Variants in NCOA1 observed in about 807,000 individuals in gnomAD.
NCOA1 encodes the protein nuclear receptor coactivator 1, also known as Hin-2 protein.
NCOA1 carries 35 observed loss-of-function variants against 150.9 expected under a neutral mutation model. The ratio of observed to expected loss-of-function variants is 0.23; its 90% CI spans 0.18 to 0.31. The LOEUF (loss-of-function observed/expected upper bound fraction) is 0.31. NCOA1 is among the 10% of genes least tolerant of loss of function. The pLI, the probability that NCOA1 is intolerant of heterozygous loss-of-function variation, is 1.00. For missense variants in NCOA1, 1,491 were observed against 1,749.3 expected, an observed-to-expected ratio of 0.85 and a Z score of 2.63; for synonymous variants, 590 against 630.0, an observed-to-expected ratio of 0.94 and a Z score of 0.95.
chr2:24,750,588 G>T (rs564550507), intron 19 of NCOA1, among the ~76,000 whole-genome samples: 1 of 152,330 alleles, frequency 6.6e-6, no homozygotes, highest in South Asian at 2.1e-4. Flanking sequence ...AGAAGACCAT[G>T]TATGGCTACA....
At chr2:24,594,897 A>G (rs1045341979) in intron 3 of NCOA1, among the ~76,000 whole-genome samples, 4 of 152,118 alleles carry the variant, frequency 2.6e-5, no homozygotes, top group Admixed American at 2.0e-4. Flanking sequence ...TTAAGCTATT[A>G]TAGTAATGCA....
chr2:24,703,571 AT>A (rs1673268912), intron 11 of NCOA1, among the ~76,000 whole-genome samples: 1 of 152,174 alleles, frequency 6.6e-6, no homozygotes, highest in Non-Finnish European at 1.5e-5. Flanking sequence ...TATGCCAGTG[AT>A]TTAGCTGAAA....
At chr2:24,695,912 G>C (rs771397061) in intron 10 of NCOA1, among the ~76,000 whole-genome samples, 7 of 152,150 alleles carry the variant, frequency 4.6e-5, no homozygotes, top group Non-Finnish European at 1.0e-4. Context: ...ACACACACAT[G>C]CATATGCCTC....
At chr2:24,726,446 T>C in intron 14 of NCOA1, 143 bp from the exon 15 acceptor site, 1 of 511,600 alleles carries the variant, frequency 2.0e-6, no homozygotes, top group East Asian at 3.3e-5. Flanking sequence ...CTAGATAGTT[T>C]AAATTGCTGA....
intron 22 of NCOA1, among the ~76,000 whole-genome samples, chr2:24,765,121 G>A (rs911509139): frequency 3.4e-5 from 5 of 146,590 alleles, no homozygotes; most frequent in Admixed American, 2.0e-4. Context: ...AGGTTGCAGC[G>A]AGCCGAGATC....
intron 13 of NCOA1, among the ~76,000 whole-genome samples, chr2:24,710,577 A>C (rs760442878): frequency 5.9e-5 from 9 of 152,220 alleles, no homozygotes; most frequent in Non-Finnish European, 1.2e-4. Context: ...ATATGACAGG[A>C]AAAAGTCACC....
chr2:24,754,010 A>G (rs145836666), intron 20 of NCOA1, among the ~76,000 whole-genome samples: 7 of 152,294 alleles, frequency 4.6e-5, no homozygotes, highest in African/African-American at 1.7e-4. Context: ...GTAAATGACA[A>G]TTCCATTTTC....
chr2:24,567,832 C>T (rs1403294293), intron 2 of NCOA1, among the ~76,000 whole-genome samples: 3 of 152,136 alleles, frequency 2.0e-5, no homozygotes, highest in Non-Finnish European at 4.4e-5. Flanking sequence ...CTCACTGCAA[C>T]CTCCGCCTCC....
At chr2:24,545,022 GAAAT>G (rs1665552637) in intron 1 of NCOA1, among the ~76,000 whole-genome samples, 1 of 152,090 alleles carries the variant, frequency 6.6e-6, no homozygotes, top group South Asian at 2.1e-4. Flanking sequence ...TACAGATTCA[GAAAT>G]AAATACAGAT....
intron 1 of NCOA1, among the ~76,000 whole-genome samples, chr2:24,550,464 A>G (rs892340882): frequency 7.2e-5 from 11 of 152,226 alleles, no homozygotes; most frequent in African/African-American, 1.9e-4. Flanking sequence ...GCAGGTTGAG[A>G]GAGAGCTAGT....
chr2:24,642,039 C>CGT (rs1670251077), intron 3 of NCOA1, among the ~76,000 whole-genome samples: 1 of 81,118 alleles, frequency 1.2e-5, no homozygotes, highest in African/African-American at 5.3e-5. Context: ...TGTGTGTGTG[C>CGT]GCGCGTGCGT....
chr2:24,724,080 T>TTTTG (rs1674489521), intron 14 of NCOA1, among the ~76,000 whole-genome samples: 2 of 151,746 alleles, frequency 1.3e-5, no homozygotes, highest in African/African-American at 2.4e-5. Context: ...TTTTGTTTGT[T>TTTTG]TTTTGTTTTG....
chr2:24,728,379 A>G lies in NCOA1; in HGVS notation c.2789A>G (p.Lys930Arg), dbSNP rs767824515. The G allele has an allele frequency of 1.9e-6, 3 of 1,613,542 alleles. No homozygotes were observed. In the African/African-American group the frequency reaches 4.0e-5, roughly 22 times the overall value. Residue 930 changes from lysine to arginine, a missense_variant, in exon 16 of 23, where the codon AAG (lysine) becomes AGG (arginine). Physicochemically the swap from Lys to Arg is conservative, Grantham distance 26. Around this residue, in one of 8 missense-constraint regions of NCOA1, gnomAD observed 13 missense variants for 38.5 expected, o/e 0.34. Transcript: ENST00000348332. Reference sequence around the variant, plus strand: ...ACAGTAGAAGGGAGAAATGATGAGAAGGCTCTTCTTGAACAGCTGGTATCC... The same window carrying G: ...ACAGTAGAAGGGAGAAATGATGAGAGGGCTCTTCTTGAACAGCTGGTATCC... ...PTTVEGRNDE[K>R]ALLEQLVSFL...
At chr2:24,648,335 G>A (rs56132338) in intron 4 of NCOA1, among the ~76,000 whole-genome samples, 1,592 of 151,362 alleles carry the variant, frequency 0.011, 16 homozygotes, top group Non-Finnish European at 0.018. Context: ...GTGCAGTGAT[G>A]CAGTCTCAGC....
intron 10 of NCOA1, among the ~76,000 whole-genome samples, chr2:24,697,002 A>G (rs1220234467): frequency 1.3e-5 from 2 of 152,106 alleles, no homozygotes; most frequent in Non-Finnish European, 2.9e-5. Context: ...CTGAGGAATA[A>G]CTTACCTGAA....
At chr2:24,537,719 AAGT>A (rs1665220127) in intron 1 of NCOA1, among the ~76,000 whole-genome samples, 1 of 152,132 alleles carries the variant, frequency 6.6e-6, no homozygotes, top group Non-Finnish European at 1.5e-5. Context: ...TTTGTTAAAT[AAGT>A]AGATTTTAGA....
chr2:24,506,004 G>A (rs1663677533), intron 1 of NCOA1, among the ~76,000 whole-genome samples: 1 of 151,888 alleles, frequency 6.6e-6, no homozygotes, highest in Admixed American at 6.6e-5. Context: ...ATGCTTGAAT[G>A]AGTGAGCATT....
intron 20 of NCOA1, among the ~76,000 whole-genome samples, chr2:24,753,282 C>T (rs1000905883): frequency 1.3e-5 from 2 of 152,092 alleles, no homozygotes; most frequent in African/African-American, 4.8e-5. Flanking sequence ...CCCTCTGTTG[C>T]ACTTATGCCT....
intron 3 of NCOA1, among the ~76,000 whole-genome samples, chr2:24,612,106 C>G (rs145789508): frequency 7.6e-4 from 115 of 152,222 alleles, no homozygotes; most frequent in African/African-American, 2.6e-3. Context: ...TAAGGCTGGT[C>G]TAGTGGTAAC....
Sources: allele counts gnomAD v4.1 joint callset (sites outside exome capture counted in the v4.1 genomes callset), GRCh38; gene constraint gnomAD v4.1.1; regional missense constraint gnomAD v4.1.1; transcripts MANE v1.5; gene names NCBI Gene and HGNC (gene_info 2026-07-23, HGNC 2026-07-21).